NIN: variants seen among roughly 807,000 people sequenced by gnomAD.
The protein encoded by NIN is glycogen synthase kinase 3 beta-interacting protein.
Under a neutral mutation model 257.6 loss-of-function variants are expected in NIN, and 137 were observed. The observed-to-expected ratio is 0.53, with a 90% CI of 0.46 to 0.61. The LOEUF (loss-of-function observed/expected upper bound fraction) is 0.61. Ranked by LOEUF, NIN falls within the 20% of genes least tolerant of loss-of-function variation. NIN has a pLI of 0.00. For synonymous variants in NIN, 918 were observed against 919.8 expected, an observed-to-expected ratio of 1.00 and a Z score of 0.04; for missense variants, 2,439 against 2,501.2, an observed-to-expected ratio of 0.98 and a Z score of 0.53.
chr14:50,764,303 A>G (rs755951486), intron 14 of NIN, among the ~76,000 whole-genome samples: 1 of 152,254 alleles, frequency 6.6e-6, no homozygotes, highest in Admixed American at 6.5e-5. Flanking sequence ...CAAAGCCACA[A>G]TAAGATACCA....
At chr14:50,740,387 C>A (rs1272648254) in intron 25 of NIN, among the ~76,000 whole-genome samples, 4 of 151,088 alleles carry the variant, frequency 2.6e-5, no homozygotes, top group African/African-American at 9.8e-5. Flanking sequence ...CTAGCTCTGT[C>A]GCCCAGGCTG....
Position 50,720,169 on chromosome 14 carries a change from A to G in NIN, c.*3294T>C, listed in dbSNP as rs532290939. On this transcript the variant is annotated 3_prime_UTR_variant, in exon 31 of 31. Coordinates refer to ENST00000530997, the MANE Select transcript of NIN (RefSeq NM_020921.4). ...TAGGTCCAAACATGATGATTTTTAA[A>G]TGAGTGCTTTGGTTAATTAGGCTTT... 3 of 223,062 alleles carry G rather than the reference A, an allele frequency of 1.3e-5. No homozygotes were observed. The highest frequency in any genetic ancestry group is 1.8e-4 in the South Asian group (1 of 5,442). The allele number at this position is 223,062 out of a possible 1,614,324, so 13.8% of individuals were successfully genotyped here.
chr14:50,747,670 G>T (rs1452394247), intron 22 of NIN, among the ~76,000 whole-genome samples: 1 of 151,584 alleles, frequency 6.6e-6, no homozygotes, highest in Non-Finnish European at 1.5e-5. Context: ...GGAGCTGGAG[G>T]TTGCAGTGAG....
chr14:50,757,414 G>T lies in NIN; in HGVS notation c.3616C>A (p.Gln1206Lys). 1.9e-6 allele frequency: 3 copies of T among 1,614,136 alleles called. No individual in the cohort carries two copies. The highest frequency in any genetic ancestry group is 1.1e-5 in the South Asian group (1 of 91,082). Residue 1206 changes from glutamine (Q) to lysine (K), a missense_variant, in exon 18 of 31, where the codon CAG (glutamine) becomes AAG (lysine). By Grantham distance (53) the Gln-to-Lys change is moderately conservative. Coordinates refer to ENST00000530997, the MANE Select transcript of NIN (RefSeq NM_020921.4). ...CAGTCCGCACATAACATCATTAGCT[G>T]TTCCTGAAGCTGACTAATCTGATTC... ...LKNQISQLQE[Q>K]LMMLCADCDR...
At chr14:50,821,817 C>G in intron 3 of NIN, 57 bp downstream of exon 3, 1 of 1,433,776 alleles carries the variant, frequency 7.0e-7, no homozygotes, top group African/African-American at 1.4e-5. Flanking sequence ...CCACCCCCAG[C>G]ACCCCGGCAG....
chr14:50,780,656 A>G (rs1595856594), intron 5 of NIN, among the ~76,000 whole-genome samples: 1 of 152,206 alleles, frequency 6.6e-6, no homozygotes, highest in African/African-American at 2.4e-5. Flanking sequence ...TTAAGATAGT[A>G]TCAATTCAGA....
At chr14:50,809,777 TA>T (rs1231278735) in intron 3 of NIN, among the ~76,000 whole-genome samples, 2 of 152,222 alleles carry the variant, frequency 1.3e-5, no homozygotes, top group African/African-American at 4.8e-5. Context: ...ACATGAGGCC[TA>T]AGTATCCCTT....
Position 50,830,499 on chromosome 14 carries a change from G to T in NIN, c.-57C>A. The T allele has an allele frequency of 6.0e-6, 1 of 167,448 alleles. No homozygotes were observed. Among genetic ancestry groups the T allele is most frequent in the Non-Finnish European group, 1.5e-5 (1 of 68,328 alleles). 10.4% of individuals were successfully genotyped at this position (167,448 alleles called of 1,614,324 possible). A position where few individuals can be genotyped will look rare whatever the true frequency, so the allele number is the denominator to read the frequency against. ...TCTCTCCGGAGCGCCCGCACAGCCG[G>T]CAGCCCGCCTCCAGCGCTCTGCAAA... On this transcript the variant is annotated 5_prime_UTR_variant, in exon 2 of 31. Coordinates refer to ENST00000530997, the MANE Select transcript of NIN (RefSeq NM_020921.4).
chr14:50,791,180 G>A (rs1454145882), intron 5 of NIN, among the ~76,000 whole-genome samples: 1 of 152,160 alleles, frequency 6.6e-6, no homozygotes, highest in East Asian at 1.9e-4. Flanking sequence ...CAGACTTTAT[G>A]ATACCCTTCC....
rs904170338 is a variant in NIN, at chr14:50,763,828, T to A, written c.1772A>T (p.His591Leu). 6.2e-7 allele frequency: 1 copy of A among 1,614,036 alleles called. No individual in the cohort carries two copies. The highest frequency in any genetic ancestry group is 1.7e-5 in the Admixed American group (1 of 60,016). ...ACAGCCTGTCCGAATGTGTTTACCGTGTTCGGGCTCAATGCCACCGCTGTT... is the reference window on the plus strand; with the variant it reads ...ACAGCCTGTCCGAATGTGTTTACCGAGTTCGGGCTCAATGCCACCGCTGTT... ...EANSGGIEPE[H>L]GLGSEECNPL... The change falls in exon 15 of 31, where the codon CAC becomes CTC. Residue 591 changes from histidine (H) to leucine (L), a missense_variant and splice_region_variant. Transcript: ENST00000530997.
chr14:50,738,415 A>G, intron 26 of NIN, 129 bp from the exon 27 acceptor site: 1 of 784,560 alleles, frequency 1.3e-6, no homozygotes, highest in Non-Finnish European at 2.0e-6. Context: ...TCAAGCCTGT[A>G]AATACTTGAA....
At chr14:50,806,303 A>T (rs1386208902) in intron 4 of NIN, 2 of 152,912 alleles carry the variant, frequency 1.3e-5, no homozygotes, top group African/African-American at 4.8e-5. Context: ...AGATAATTAT[A>T]ATGTAATGTG....
chr14:50,727,657 G>A, intron 29 of NIN: 1 of 1,442,876 alleles, frequency 6.9e-7, no homozygotes, highest in Non-Finnish European at 9.4e-7. Context: ...TGTCTGCCAT[G>A]GTAAGAAATG....
chr14:50,745,348 A>G (rs545313486), intron 22 of NIN, among the ~76,000 whole-genome samples: 1 of 152,148 alleles, frequency 6.6e-6, no homozygotes, highest in Non-Finnish European at 1.5e-5. Context: ...GGGGCAGGAG[A>G]GCAATCCTCA....
chr14:50,781,195 A>T (rs1365012748), intron 5 of NIN, among the ~76,000 whole-genome samples: 5 of 152,156 alleles, frequency 3.3e-5, no homozygotes, highest in Non-Finnish European at 7.4e-5. Flanking sequence ...AATTCCACCT[A>T]TGACAAATAA....
At chr14:50,778,657 T>C in intron 6 of NIN, 108 bp downstream of exon 6, 1 of 932,450 alleles carries the variant, frequency 1.1e-6, no homozygotes, top group Non-Finnish European at 1.7e-6. Flanking sequence ...CTGTTGTTCT[T>C]AATGTTAATT....
chr14:50,825,429 C>T (rs1349799577), intron 2 of NIN, among the ~76,000 whole-genome samples: 1 of 152,204 alleles, frequency 6.6e-6, no homozygotes, highest in Non-Finnish European at 1.5e-5. Flanking sequence ...GAAAGCTGCA[C>T]TGTAACTGGG....
chr14:50,819,608 A>G (rs1595939491), intron 3 of NIN, among the ~76,000 whole-genome samples: 1 of 152,192 alleles, frequency 6.6e-6, no homozygotes, highest in Non-Finnish European at 1.5e-5. Flanking sequence ...TTCTTTATAA[A>G]TTACCCAGTC....
intron 5 of NIN, among the ~76,000 whole-genome samples, chr14:50,781,482 T>C (rs1318291168): frequency 6.6e-6 from 1 of 152,242 alleles, no homozygotes; most frequent in Non-Finnish European, 1.5e-5. Flanking sequence ...GATGCTCCAA[T>C]ATACTGTTTC....
Sources: allele counts gnomAD v4.1 joint callset (sites outside exome capture counted in the v4.1 genomes callset), GRCh38; gene constraint gnomAD v4.1.1; transcripts MANE v1.5; gene names NCBI Gene and HGNC (gene_info 2026-07-23, HGNC 2026-07-21).